The following CD1B variants were observed in gnomAD, a reference collection of about 807,000 sequenced individuals.
The protein encoded by CD1B is T-cell surface glycoprotein CD1b.
In CD1B, 43 loss-of-function variants were observed where a neutral mutation model predicts 39.8. The ratio of observed to expected loss-of-function variants is 1.08; its 90% CI spans 0.85 to 1.39. The LOEUF (loss-of-function observed/expected upper bound fraction) is 1.39. CD1B is among the 40% of genes most tolerant of loss of function. The probability of loss-of-function intolerance (pLI) is 0.00; values close to 1 mark genes in which losing one functional copy is unlikely to be tolerated. For missense variants in CD1B, 495 were observed against 403.8 expected (o/e 1.23, Z -1.94); for synonymous variants, 192 against 152.5 (o/e 1.26, Z -1.91).
the CD1B span, among the ~76,000 whole-genome samples, chr1:158,288,539 G>T: frequency 6.6e-6 from 1 of 152,156 alleles, no homozygotes. Flanking sequence ...CTACAGGCAT[G>T]TGCCACCACA....
At chr1:158,326,638 CTA>C (rs1652362871), downstream of CD1B, among the ~76,000 whole-genome samples, 1 of 151,860 alleles carries the variant, frequency 6.6e-6, no homozygotes, top group African/African-American at 2.4e-5. Flanking sequence ...TTAAAAAAGT[CTA>C]TATGTTACAG....
intron 1 of CD1B, 63 bp downstream of exon 1, chr1:158,331,300 C>T: frequency 6.7e-7 from 1 of 1,481,956 alleles, no homozygotes; most frequent in Admixed American, 1.7e-5. Context: ...TAGGAAAGCC[C>T]TGCTTGCTTT....
chr1:158,317,699 T>TGCTA, the CD1B span, among the ~76,000 whole-genome samples: 47 of 152,216 alleles, frequency 3.1e-4, no homozygotes, highest in Non-Finnish European at 5.9e-4. Flanking sequence ...TCTTGCCTTC[T>TGCTA]GCTAGCTTTT....
At position 158,329,587 on chromosome 1, in the gene CD1B, C is replaced by T. The variant is rs757417679; in HGVS notation, c.669G>A (p.Val223=). 6.8e-6 allele frequency: 11 copies of T among 1,614,118 alleles called. No individual in the cohort carries two copies. The highest frequency in any genetic ancestry group is 8.5e-7 in the Non-Finnish European group (1 of 1,180,028). Residue 223 remains valine, a synonymous_variant, in exon 4 of 6, where the codon GTG becomes GTA. Coordinates refer to ENST00000368168, the MANE Select transcript of CD1B (RefSeq NM_001764.3). The part of the protein sequence containing the change: ...PSPGPGRLQL[V]CHVSGFYPKP... ...TTGGGTAGAATCCTGAGACATGGCA[C>T]ACAAGCTGCAGACGGCCAGGTCCAG... is the stretch of plus-strand genomic sequence containing the variant.
the CD1B span, among the ~76,000 whole-genome samples, chr1:158,319,389 C>A: frequency 6.6e-6 from 1 of 152,090 alleles, no homozygotes; most frequent in Non-Finnish European, 1.5e-5. Flanking sequence ...CTCTAAACTT[C>A]CCTTCTCACT....
chr1:158,297,005 G>A, the CD1B span, among the ~76,000 whole-genome samples: 3 of 152,160 alleles, frequency 2.0e-5, no homozygotes, highest in Non-Finnish European at 2.9e-5. Context: ...GAGAGAGAGT[G>A]TGCAAACAAT....
the CD1B span, among the ~76,000 whole-genome samples, chr1:158,295,096 T>C: frequency 1.2e-4 from 18 of 151,690 alleles, no homozygotes; most frequent in Non-Finnish European, 2.2e-4. Flanking sequence ...AACTGGGAAA[T>C]AAAGCCAAAA....
the CD1B span, chr1:158,293,736 A>G: frequency 1.4e-6 from 1 of 737,072 alleles, no homozygotes; most frequent in Non-Finnish European, 2.2e-6. Context: ...GAACCCAGAG[A>G]GCCCCTCAAC....
the CD1B span, chr1:158,292,788 T>A: frequency 6.2e-7 from 1 of 1,614,208 alleles, no homozygotes; most frequent in East Asian, 2.2e-5. Context: ...CAGGTGATCC[T>A]GGAGGTGGCA....
At chr1:158,327,463 G>A (rs544805287), downstream of CD1B, among the ~76,000 whole-genome samples, 1 of 151,992 alleles carries the variant, frequency 6.6e-6, no homozygotes, top group Admixed American at 6.5e-5. Flanking sequence ...AGCAAGATGA[G>A]GAGAATCTAC....
the CD1B span, among the ~76,000 whole-genome samples, chr1:158,288,094 G>A: frequency 6.6e-6 from 1 of 152,168 alleles, no homozygotes; most frequent in African/African-American, 2.4e-5. Flanking sequence ...ATCTACTATT[G>A]TTTTCTAAAA....
chr1:158,329,304 G>C lies in CD1B; in HGVS notation c.886+66C>G, dbSNP rs373901128. On this transcript the variant is annotated intron_variant, in intron 4 of 5. Transcript: ENST00000368168. The stretch of plus-strand genomic sequence containing the variant: ...ATCTCTCAAGCTCTATCCTTCCCCA[G>C]TGCCTCCCTCTATGCCTGAAGATCA... The C allele has an allele frequency of 1.9e-5, 29 of 1,547,366 alleles. No individual in the cohort carries two copies. The Middle Eastern group carries it at 5.2e-4, about 28-fold the overall frequency.
At chr1:158,326,503 A>T, downstream of CD1B, among the ~76,000 whole-genome samples, 1 of 152,186 alleles carries the variant, frequency 6.6e-6, no homozygotes, top group Non-Finnish European at 1.5e-5. Flanking sequence ...TTCCAATTTA[A>T]TGAATAAACT....
chr1:158,308,449 A>C, the CD1B span, among the ~76,000 whole-genome samples: 4 of 152,218 alleles, frequency 2.6e-5, no homozygotes, highest in Non-Finnish European at 4.4e-5. Flanking sequence ...TCAAGTTACC[A>C]ATGACTTTCT....
the CD1B span, among the ~76,000 whole-genome samples, chr1:158,316,970 G>T: frequency 1.3e-5 from 2 of 151,180 alleles, no homozygotes; most frequent in Non-Finnish European, 3.0e-5. Context: ...TTATTGATTT[G>T]CGTATATTGA....
At chr1:158,300,919 C>T in the CD1B span, among the ~76,000 whole-genome samples, 1 of 151,420 alleles carries the variant, frequency 6.6e-6, no homozygotes, top group South Asian at 2.1e-4. Context: ...CCACCATGCC[C>T]AGCTAATTTT....
chr1:158,317,053 G>T, the CD1B span, among the ~76,000 whole-genome samples: 1 of 151,774 alleles, frequency 6.6e-6, no homozygotes, highest in South Asian at 2.1e-4. Context: ...TGCTGGATTT[G>T]GTTTGGCAGT....
chr1:158,292,352 T>G, the CD1B span: 1 of 1,613,742 alleles, frequency 6.2e-7, no homozygotes, highest in Non-Finnish European at 8.5e-7. Flanking sequence ...GGAAGATGTA[T>G]GTACACAGGC....
chr1:158,288,050 A>G, the CD1B span, among the ~76,000 whole-genome samples: 1 of 152,240 alleles, frequency 6.6e-6, no homozygotes, highest in Non-Finnish European at 1.5e-5. Context: ...CTGTAGGAAC[A>G]TGGAAAAAAA....
Sources: gnomAD v4.1 joint callset for allele counts (sites outside exome capture counted in the v4.1 genomes callset) on GRCh38, gnomAD v4.1.1 for gene constraint, MANE v1.5 for transcripts, NCBI Gene and HGNC (gene_info 2026-07-23, HGNC 2026-07-21) for gene names.